The following MED13L variants were observed in gnomAD, a reference collection of about 807,000 sequenced individuals.
MED13L encodes mediator of RNA polymerase II transcription subunit 13-like.
In MED13L, 7 loss-of-function variants were observed where a neutral mutation model predicts 220.9. The observed-to-expected ratio is 0.03, with a 90% CI of 0.02 to 0.06. The LOEUF is 0.06. Ranked by LOEUF, MED13L falls within the 10% of genes least tolerant of loss-of-function variation. The probability of loss-of-function intolerance (pLI) is 1.00; values close to 1 mark genes in which losing one functional copy is unlikely to be tolerated. For missense variants in MED13L, 1,965 were observed against 2,760.5 expected (o/e 0.71, Z 6.46); for synonymous variants, 1,011 against 1,015.2 (o/e 1.00, Z 0.08).
intron 1 of MED13L, among the ~76,000 whole-genome samples, chr12:116,241,047 G>A (rs563910464): frequency 4.0e-5 from 6 of 151,844 alleles, no homozygotes; most frequent in African/African-American, 1.4e-4. Context: ...AGTGGCTCAC[G>A]CCTGTAATCC....
chr12:116,178,108 G>A (rs1447711366), intron 2 of MED13L, among the ~76,000 whole-genome samples: 1 of 151,878 alleles, frequency 6.6e-6, no homozygotes, highest in East Asian at 1.9e-4. Flanking sequence ...CGAACCCATG[G>A]GCTCAATTTG....
At chr12:116,155,948 C>A (rs183899157) in intron 2 of MED13L, among the ~76,000 whole-genome samples, 76 of 152,090 alleles carry the variant, frequency 5.0e-4, no homozygotes, top group Admixed American at 2.0e-3. Flanking sequence ...TAGAAAATAT[C>A]ATTTCCATTA....
intron 2 of MED13L, among the ~76,000 whole-genome samples, chr12:116,192,147 G>GTACAAA (rs1255742840): frequency 1.6e-4 from 24 of 152,150 alleles, no homozygotes; most frequent in African/African-American, 5.5e-4. Context: ...GAAGGGTGGT[G>GTACAAA]GCTTTTGCCT....
intron 1 of MED13L, chr12:116,276,392 GAC>G (rs1565963573): frequency 2.4e-6 from 3 of 1,263,658 alleles, no homozygotes; most frequent in East Asian, 1.1e-4. Flanking sequence ...GTTTTTAAAA[GAC>G]ACAGGAGGAG....
At chr12:115,971,611 G>C (rs1876590619) in intron 26 of MED13L, among the ~76,000 whole-genome samples, 2 of 152,232 alleles carry the variant, frequency 1.3e-5, no homozygotes, top group African/African-American at 4.8e-5. Flanking sequence ...ACCAGGTACT[G>C]TGCTAACTGC....
chr12:116,022,756 G>C (rs984223379), intron 4 of MED13L, among the ~76,000 whole-genome samples, 155 bp from the exon 5 acceptor site: 12 of 152,130 alleles, frequency 7.9e-5, no homozygotes, highest in African/African-American at 2.9e-4. Flanking sequence ...ATTCAGTATT[G>C]ACAAACTAAG....
intron 2 of MED13L, among the ~76,000 whole-genome samples, chr12:116,151,029 A>G (rs1052128115): frequency 5.3e-5 from 8 of 151,672 alleles, no homozygotes; most frequent in African/African-American, 1.7e-4. Context: ...ACTCCAACCT[A>G]CTCCCCAGAG....
intron 30 of MED13L, among the ~76,000 whole-genome samples, chr12:115,962,328 A>T (rs906635819): frequency 7.2e-5 from 11 of 152,138 alleles, no homozygotes; most frequent in Non-Finnish European, 1.6e-4. Context: ...CACAACCTAG[A>T]TCCCTTGCAT....
At chr12:116,052,766 G>A (rs914767393) in intron 4 of MED13L, among the ~76,000 whole-genome samples, 1 of 152,224 alleles carries the variant, frequency 6.6e-6, no homozygotes, top group Admixed American at 6.5e-5. Flanking sequence ...AGACTGGGAA[G>A]AGGAAGCAGG....
chr12:116,218,639 T>G (rs1473360488), intron 2 of MED13L, among the ~76,000 whole-genome samples: 3 of 152,190 alleles, frequency 2.0e-5, no homozygotes, highest in Non-Finnish European at 2.9e-5. Context: ...ATTTTCAAAT[T>G]TCTTCTCCAA....
At chr12:116,157,692 T>A (rs1385316550) in intron 2 of MED13L, among the ~76,000 whole-genome samples, 2 of 152,244 alleles carry the variant, frequency 1.3e-5, no homozygotes, top group Non-Finnish European at 1.5e-5. Context: ...TACACCAGCA[T>A]TCTCCCACAA....
intron 1 of MED13L, among the ~76,000 whole-genome samples, chr12:116,249,851 T>C (rs1418145107): frequency 6.7e-6 from 1 of 150,010 alleles, no homozygotes; most frequent in Admixed American, 6.6e-5. Context: ...CAAAGTGACT[T>C]CTGCAGTCAG....
At chr12:116,228,967 G>T (rs1332122811) in intron 2 of MED13L, among the ~76,000 whole-genome samples, 2 of 151,896 alleles carry the variant, frequency 1.3e-5, no homozygotes, top group Non-Finnish European at 2.9e-5. Context: ...AACAGAGATG[G>T]TATCGCACTA....
chr12:116,196,422 C>T (rs1881630443), intron 2 of MED13L, among the ~76,000 whole-genome samples: 1 of 151,662 alleles, frequency 6.6e-6, no homozygotes, highest in African/African-American at 2.4e-5. Flanking sequence ...TCGGCTTCGG[C>T]TGCAACTTAA....
chr12:116,139,936 C>T (rs1186926785), intron 2 of MED13L, among the ~76,000 whole-genome samples: 1 of 141,374 alleles, frequency 7.1e-6, no homozygotes, highest in African/African-American at 2.7e-5. Flanking sequence ...TGCCACTGCG[C>T]TGCAGCCTGG....
chr12:115,970,228 G>C (rs960653252), intron 27 of MED13L, among the ~76,000 whole-genome samples: 6 of 152,266 alleles, frequency 3.9e-5, no homozygotes, highest in African/African-American at 1.2e-4. Context: ...CCATAGACTA[G>C]CTAAAGGAAG....
At chr12:116,245,387 G>A (rs749923778) in intron 1 of MED13L, among the ~76,000 whole-genome samples, 6 of 151,984 alleles carry the variant, frequency 3.9e-5, no homozygotes, top group Non-Finnish European at 5.9e-5. Context: ...AGCAAATGTC[G>A]GTCACATGCT....
intron 1 of MED13L, among the ~76,000 whole-genome samples, chr12:116,274,450 A>G (rs1292685506): frequency 6.6e-6 from 1 of 151,180 alleles, no homozygotes; most frequent in East Asian, 1.9e-4. Flanking sequence ...CCTGCAGGCC[A>G]AAAGAAAAAA....
In MED13L at chr12:115,963,530, A is replaced by T; in HGVS notation, c.6388-11T>A. On this transcript the variant is annotated splice_polypyrimidine_tract_variant and intron_variant, in intron 29 of 30. Coordinates refer to ENST00000281928, the MANE Select transcript of MED13L (RefSeq NM_015335.5). ...GTGATGCAGCGAAGCCTGGTGAAAA[A>T]ACAAAGAGAGTTACCTCTCTGGTCT... The T allele has an allele frequency of 6.3e-7, 1 of 1,596,910 alleles. No individual in the cohort carries two copies.
Sources: gnomAD v4.1 joint callset for allele counts (sites outside exome capture counted in the v4.1 genomes callset) on GRCh38, gnomAD v4.1.1 for gene constraint, MANE v1.5 for transcripts, NCBI Gene and HGNC (gene_info 2026-07-23, HGNC 2026-07-21) for gene names.